CLEC16A: variants seen among roughly 807,000 people sequenced by gnomAD.
CLEC16A encodes C-type lectin domain containing 16A.
In CLEC16A, 51 loss-of-function variants were observed where a neutral mutation model predicts 109.5. The ratio of observed to expected loss-of-function variants is 0.47; its 90% confidence interval spans 0.37 to 0.59. The LOEUF is 0.59. Among genes scored for constraint, CLEC16A ranks in the 20% least tolerant of loss-of-function variants. CLEC16A has a pLI of 0.00. For synonymous variants in CLEC16A, 673 were observed against 564.2 expected, an observed-to-expected ratio of 1.19 and a Z score of -2.73; for missense variants, 1,339 against 1,394.0, an observed-to-expected ratio of 0.96 and a Z score of 0.63.
At chr16:10,998,816 AG>A (rs1352730190) in intron 10 of CLEC16A, among the ~76,000 whole-genome samples, 3 of 152,052 alleles carry the variant, frequency 2.0e-5, no homozygotes, top group Non-Finnish European at 4.4e-5. Context: ...CAGTGGCGAG[AG>A]GAGGGACAGG....
At chr16:10,997,962 G>T (rs1000456023) in intron 10 of CLEC16A, among the ~76,000 whole-genome samples, 5 of 152,194 alleles carry the variant, frequency 3.3e-5, no homozygotes, top group African/African-American at 9.7e-5. Flanking sequence ...GGTGGAACAT[G>T]TTTGTTTGAC....
chr16:10,977,288 C>A lies in CLEC16A; in HGVS notation c.792C>A (p.Leu264=), dbSNP rs750164388. ...AGCACCTAGACCACCTGCACTATCTCAATGACATCCTGATCATCAACTGTG... is the reference window on the plus strand; with the variant it reads ...AGCACCTAGACCACCTGCACTATCTAAATGACATCCTGATCATCAACTGTG... ...VAEHLDHLHY[L]NDILIINCEF... The change falls in exon 8 of 24, where the codon CTC becomes CTA. Residue 264 remains leucine (L), a synonymous_variant. Transcript: ENST00000409790. 6.2e-7 allele frequency: 1 copy of A among 1,614,002 alleles called. No homozygotes were observed. The highest frequency in any genetic ancestry group is 1.1e-5 in the South Asian group (1 of 91,086).
In CLEC16A at chr16:11,142,493, G is replaced by C. The variant is rs185891752; in HGVS notation, c.2641+16347G>C. Among the ~76,000 whole-genome samples the C allele has an allele frequency of 2.6e-5, 4 of 152,360 alleles. No homozygotes were observed. The East Asian group carries it at 7.7e-4, about 29-fold the overall frequency. On this transcript the variant is annotated intron_variant, in intron 22 of 23. Coordinates refer to ENST00000409790, the MANE Select transcript of CLEC16A (RefSeq NM_015226.3). Reference sequence around the variant, plus strand: ...GCCCGATAGGTGTGATGTGTCAACAGCTTTTTCTCCTGCTTTTCACAGCCC... The same window carrying C: ...GCCCGATAGGTGTGATGTGTCAACACCTTTTTCTCCTGCTTTTCACAGCCC...
chr16:11,064,296 C>G (rs533873004), intron 19 of CLEC16A, among the ~76,000 whole-genome samples: 12 of 152,334 alleles, frequency 7.9e-5, no homozygotes, highest in Non-Finnish European at 1.8e-4. Flanking sequence ...CCTCCCCAGC[C>G]CCAGCTGCTG....
intron 6 of CLEC16A, among the ~76,000 whole-genome samples, 175 bp downstream of exon 6, chr16:10,972,734 C>T (rs1272799237): frequency 6.6e-6 from 1 of 152,072 alleles, no homozygotes; most frequent in Non-Finnish European, 1.5e-5. Context: ...TATAAAATAT[C>T]ATAAGAACTG....
chr16:11,144,462 C>T (rs1400735848), intron 22 of CLEC16A, among the ~76,000 whole-genome samples: 1 of 152,060 alleles, frequency 6.6e-6, no homozygotes, highest in Admixed American at 6.5e-5. Flanking sequence ...ACTGGAACCT[C>T]ACAATGGCAA....
chr16:11,003,373 T>A, intron 11 of CLEC16A, 68 bp downstream of exon 11: 1 of 1,293,314 alleles, frequency 7.7e-7, no homozygotes, highest in Non-Finnish European at 1.1e-6. Context: ...GGCTGCCACC[T>A]GTGCCCTCTC....
chr16:11,126,221 C>T (rs774529477), intron 22 of CLEC16A, 75 bp downstream of exon 22: 13 of 1,589,788 alleles, frequency 8.2e-6, no homozygotes, highest in Admixed American at 3.6e-5. Context: ...TCTGTGGAGC[C>T]TGTGTGAGCT....
intron 21 of CLEC16A, among the ~76,000 whole-genome samples, chr16:11,125,491 C>T (rs1027718911): frequency 5.3e-4 from 81 of 152,304 alleles, no homozygotes; most frequent in African/African-American, 1.9e-3. Context: ...AGGTTAGTGG[C>T]TGAGACAGAT....
intron 23 of CLEC16A, among the ~76,000 whole-genome samples, chr16:11,170,427 C>A (rs1016008798): frequency 2.0e-5 from 3 of 152,216 alleles, no homozygotes; most frequent in African/African-American, 4.8e-5. Context: ...CCGCCTCCAG[C>A]CTGCGTCCAG....
intron 18 of CLEC16A, among the ~76,000 whole-genome samples, chr16:11,059,570 T>C (rs1567259994): frequency 6.6e-6 from 1 of 152,084 alleles, no homozygotes; most frequent in Non-Finnish European, 1.5e-5. Context: ...TTGCAGACAG[T>C]AATTTGGCCC....
At chr16:11,122,769 T>C (rs1188112628) in intron 20 of CLEC16A, among the ~76,000 whole-genome samples, 2 of 152,220 alleles carry the variant, frequency 1.3e-5, no homozygotes, top group African/African-American at 4.8e-5. Flanking sequence ...AGATTGTCTA[T>C]GCAGAGTCCG....
rs1393052576 is a variant in CLEC16A at position 10,944,793 on chromosome 16, C to T, written c.76C>T (p.Leu26Phe). The T allele has an allele frequency of 1.2e-6, 2 of 1,607,462 alleles. No individual in the cohort carries two copies. The highest frequency in any genetic ancestry group is 1.7e-6 in the Non-Finnish European group (2 of 1,177,408). Residue 26 changes from leucine (L) to phenylalanine (F), a missense_variant, in exon 1 of 24, where the codon CTC becomes TTC. This residue lies in a region of CLEC16A where 117 missense variants were observed against 120.2 expected (regional missense o/e 0.97). Transcript: ENST00000409790. ...CCGCAACATCCACTCCTTGGACCACCTCAAGTGAGTGTGGGGGGCGTAGCG... is the reference window on the plus strand; with the variant it reads ...CCGCAACATCCACTCCTTGGACCACTTCAAGTGAGTGTGGGGGGCGTAGCG... ...TSRNIHSLDHLKYLYHVLTKN... is the reference protein window; with the variant it reads ...TSRNIHSLDHFKYLYHVLTKN...
At chr16:10,982,319 G>T (rs533240896) in intron 9 of CLEC16A, among the ~76,000 whole-genome samples, 1 of 152,076 alleles carries the variant, frequency 6.6e-6, no homozygotes, top group Non-Finnish European at 1.5e-5. Context: ...TTTCAGCCCC[G>T]TAGTTCACAT....
intron 22 of CLEC16A, among the ~76,000 whole-genome samples, chr16:11,161,944 G>A (rs144592538): frequency 0.018 from 2,670 of 152,292 alleles, 42 homozygotes; most frequent in Non-Finnish European, 0.028. Flanking sequence ...AGTGATTATT[G>A]GTGGGGAAAG....
At chr16:11,128,055 C>G (rs1206940695) in intron 22 of CLEC16A, among the ~76,000 whole-genome samples, 2 of 152,118 alleles carry the variant, frequency 1.3e-5, no homozygotes, top group African/African-American at 4.8e-5. Flanking sequence ...GTGACTGAGT[C>G]TAAGTTAACT....
At chr16:10,957,565 T>G (rs1218345589) in intron 1 of CLEC16A, among the ~76,000 whole-genome samples, 1 of 152,244 alleles carries the variant, frequency 6.6e-6, no homozygotes, top group Non-Finnish European at 1.5e-5. Flanking sequence ...GATTTTCTTG[T>G]CTCCGTCTGG....
intron 22 of CLEC16A, among the ~76,000 whole-genome samples, chr16:11,152,233 G>A (rs1384373900): frequency 1.3e-5 from 2 of 152,130 alleles, no homozygotes. Context: ...CGGTCATCTG[G>A]GACAATTTCA....
intron 12 of CLEC16A, 159 bp from the exon 13 acceptor site, chr16:11,024,662 C>A (rs1321089599): frequency 1.7e-6 from 1 of 574,668 alleles, no homozygotes; most frequent in Admixed American, 2.8e-5. Flanking sequence ...GCCTGTCTCT[C>A]ATTTGTCTGT....
Sources: gnomAD v4.1 joint callset for allele counts (sites outside exome capture counted in the v4.1 genomes callset) on GRCh38, gnomAD v4.1.1 for gene constraint, gnomAD v4.1.1 regional missense constraint, MANE v1.5 for transcripts, NCBI Gene and HGNC (gene_info 2026-07-23, HGNC 2026-07-21) for gene names.